NRG1: variants seen among roughly 807,000 people sequenced by gnomAD.
NRG1 encodes pro-neuregulin-1, membrane-bound isoform.
Under a neutral mutation model 63.8 loss-of-function variants are expected in NRG1, and 18 were observed. That is an observed-to-expected ratio of 0.28 (90% CI 0.19 to 0.42). The LOEUF (loss-of-function observed/expected upper bound fraction) is 0.42. Among genes scored for constraint, NRG1 ranks in the 10% least tolerant of loss-of-function variants. The pLI is 1.00. For missense variants in NRG1, 762 were observed against 814.7 expected, an observed-to-expected ratio of 0.94 and a Z score of 0.79; for synonymous variants, 302 against 301.3, an observed-to-expected ratio of 1.00 and a Z score of -0.02.
At chr8:32,525,827 T>G (rs1830779424) in intron 1 of NRG1, among the ~76,000 whole-genome samples, 1 of 152,202 alleles carries the variant, frequency 6.6e-6, no homozygotes, top group Non-Finnish European at 1.5e-5. Context: ...GATTTTCTTC[T>G]TTATAGGAGC....
At chr8:32,495,684 A>AGGTG (rs1213311794) in intron 1 of NRG1, among the ~76,000 whole-genome samples, 3 of 152,128 alleles carry the variant, frequency 2.0e-5, no homozygotes. Context: ...GCTGGTCTCG[A>AGGTG]ACCCTGACTT....
intron 1 of NRG1, among the ~76,000 whole-genome samples, chr8:32,242,297 A>G (rs1270262316): frequency 6.6e-6 from 1 of 152,046 alleles, no homozygotes; most frequent in Non-Finnish European, 1.5e-5. Flanking sequence ...AACGTGGTGA[A>G]ACCCTGTCTC....
chr8:32,360,498 T>C (rs1042568781), intron 1 of NRG1, among the ~76,000 whole-genome samples: 8 of 152,158 alleles, frequency 5.3e-5, no homozygotes, highest in Non-Finnish European at 8.8e-5. Context: ...TGATAGCAGG[T>C]AGTTAATTAA....
intron 5 of NRG1, among the ~76,000 whole-genome samples, chr8:32,702,646 C>G (rs985880132): frequency 6.6e-6 from 1 of 152,106 alleles, no homozygotes; most frequent in Non-Finnish European, 1.5e-5. Flanking sequence ...ACAATCCACA[C>G]CCGGTTAACT....
At position 32,065,841 on chromosome 8, in the gene NRG1, G is replaced by A. The variant is rs182198564; in HGVS notation, c.37+426410G>A. ...TTCCTATTTCTCCACATCCTCTCTG[G>A]CACCTGTTGTTTACTGACTTTTTAA... On this transcript the variant is annotated intron_variant, in intron 1 of 10. Coordinates refer to the NRG1 transcript ENST00000519301. 2.6e-5 allele frequency among the ~76,000 whole-genome samples: 4 copies of A among 152,246 alleles called. No homozygotes were observed. In the East Asian group the frequency reaches 5.8e-4, roughly 22 times the overall value.
chr8:32,250,156 G>A (rs554524417), intron 1 of NRG1, among the ~76,000 whole-genome samples: 32 of 152,096 alleles, frequency 2.1e-4, no homozygotes, highest in Non-Finnish European at 3.1e-4. Context: ...CTTTCAAACT[G>A]TCTTTTTTGT....
chr8:32,763,192 T>C (rs1296141249), intron 11 of NRG1: 2 of 1,610,598 alleles, frequency 1.2e-6, no homozygotes, highest in African/African-American at 2.7e-5. Flanking sequence ...TAAATCTAAG[T>C]TACTATGCTC....
At chr8:32,058,974 T>A (rs1823413356) in intron 1 of NRG1, among the ~76,000 whole-genome samples, 1 of 152,132 alleles carries the variant, frequency 6.6e-6, no homozygotes, top group Admixed American at 6.6e-5. Flanking sequence ...TGCCCAAAGG[T>A]TAACTTTAAA....
intron 1 of NRG1, among the ~76,000 whole-genome samples, chr8:31,875,433 C>T (rs1449877606): frequency 6.6e-6 from 1 of 152,142 alleles, no homozygotes; most frequent in African/African-American, 2.4e-5. Context: ...AGATCACGAA[C>T]AGCACTGTAA....
At chr8:32,445,805 A>G (rs1283390560) in intron 1 of NRG1, among the ~76,000 whole-genome samples, 1 of 152,096 alleles carries the variant, frequency 6.6e-6, no homozygotes, top group African/African-American at 2.4e-5. Flanking sequence ...GGTGTTTCAT[A>G]TGGATTACTA....
chr8:32,653,013 G>A (rs1447895235), intron 5 of NRG1, among the ~76,000 whole-genome samples: 2 of 152,034 alleles, frequency 1.3e-5, no homozygotes, highest in Non-Finnish European at 2.9e-5. Flanking sequence ...TCCATTGAAC[G>A]TTCTACTACA....
intron 1 of NRG1, among the ~76,000 whole-genome samples, chr8:31,744,970 GA>G (rs1270680837): frequency 6.6e-6 from 1 of 151,870 alleles, no homozygotes; most frequent in East Asian, 1.9e-4. Flanking sequence ...TCTATTCTCT[GA>G]AAAATAATGT....
At chr8:31,665,488 A>C (rs937571820) in intron 1 of NRG1, among the ~76,000 whole-genome samples, 8 of 152,224 alleles carry the variant, frequency 5.3e-5, no homozygotes, top group African/African-American at 1.9e-4. Context: ...GTCTAGAACT[A>C]TTGAAGGAAT....
intron 1 of NRG1, among the ~76,000 whole-genome samples, chr8:31,982,061 G>A (rs569850771): frequency 1.6e-4 from 25 of 151,996 alleles, no homozygotes; most frequent in African/African-American, 4.8e-4. Flanking sequence ...AGCTGTGGTC[G>A]CAGTCACAGC....
chr8:31,993,968 T>C (rs1186894801), intron 1 of NRG1, among the ~76,000 whole-genome samples: 1 of 151,896 alleles, frequency 6.6e-6, no homozygotes, highest in Non-Finnish European at 1.5e-5. Context: ...ACACCAAACA[T>C]AGAGTTTCCA....
intron 1 of NRG1, among the ~76,000 whole-genome samples, chr8:32,320,273 A>G (rs1034994058): frequency 1.3e-5 from 2 of 152,150 alleles, no homozygotes; most frequent in African/African-American, 4.8e-5. Context: ...TTCTGGCATC[A>G]TCTTTTATAA....
chr8:32,370,887 A>G (rs1012894659), intron 1 of NRG1, among the ~76,000 whole-genome samples: 1 of 147,282 alleles, frequency 6.8e-6, no homozygotes, highest in Non-Finnish European at 1.5e-5. Context: ...AAAAAAAGAC[A>G]ACAACAACGA....
chr8:31,677,673 C>G (rs1013046540), intron 1 of NRG1, among the ~76,000 whole-genome samples: 1 of 152,180 alleles, frequency 6.6e-6, no homozygotes, highest in Non-Finnish European at 1.5e-5. Context: ...GGATCATTTT[C>G]AGACTCGCGG....
chr8:32,685,254 C>T (rs923180761), intron 5 of NRG1, among the ~76,000 whole-genome samples: 2 of 152,100 alleles, frequency 1.3e-5, no homozygotes, highest in Non-Finnish European at 2.9e-5. Context: ...TGCCTGAATT[C>T]ATATCTCAGC....
Sources: allele counts gnomAD v4.1 joint callset (sites outside exome capture counted in the v4.1 genomes callset), GRCh38; gene constraint gnomAD v4.1.1; transcripts MANE v1.5; gene names NCBI Gene and HGNC (gene_info 2026-07-23, HGNC 2026-07-21).